The following BTBD1 variants were observed in gnomAD, a reference collection of about 807,000 sequenced individuals.
BTBD1 encodes the protein BTB/POZ domain-containing protein 1.
Under a neutral mutation model 48.0 loss-of-function variants are expected in BTBD1, and 34 were observed. The observed-to-expected ratio is 0.71, with a 90% CI of 0.54 to 0.94. The LOEUF is 0.94. BTBD1 is among the 40% of genes least tolerant of loss of function. BTBD1 has a pLI of 0.00. For missense variants in BTBD1, 543 were observed against 625.6 expected, an observed-to-expected ratio of 0.87 and a Z score of 1.41; for synonymous variants, 261 against 242.1, an observed-to-expected ratio of 1.08 and a Z score of -0.72.
chr15:83,022,437 T>G (rs1393500346), intron 5 of BTBD1: 1 of 152,094 alleles, frequency 6.6e-6, no homozygotes, highest in East Asian at 1.9e-4. Context: ...TTTGGGAGGC[T>G]GAGGTGGGTG....
intron 1 of BTBD1, among the ~76,000 whole-genome samples, chr15:83,059,382 C>T (rs1278074602): frequency 6.6e-6 from 1 of 151,882 alleles, no homozygotes; most frequent in East Asian, 1.9e-4. Flanking sequence ...CCCGACTCTA[C>T]TAAAAACACA....
intron 2 of BTBD1, among the ~76,000 whole-genome samples, chr15:83,055,424 A>AT (rs1191507761): frequency 6.6e-6 from 1 of 151,548 alleles, no homozygotes; most frequent in African/African-American, 2.4e-5. Flanking sequence ...TGCTCGGCTA[A>AT]TTTTTTTATT....
Position 83,020,699 on chromosome 15 carries a change from A to G in BTBD1, c.1119T>C (p.Pro373=), listed in dbSNP as rs1437376861. 2 of 1,601,930 alleles carry G rather than the reference A, an allele frequency of 1.2e-6. No homozygotes were observed. The highest frequency in any genetic ancestry group is 1.7e-6 in the Non-Finnish European group (2 of 1,169,676). The change falls in exon 6 of 8, where the codon CCT becomes CCC. Residue 373 remains proline, a synonymous_variant. Transcript: ENST00000261721. The part of the protein sequence containing the change: ...GFGLYGSIHG[P]TDYQVNIQII... ...CCTGTATATTCACTTGATAATCTGT[A>G]GGGCCATGAATAGATCCATACAAGC...
chr15:83,066,811 G>T lies in BTBD1; in HGVS notation c.341C>A (p.Thr114Asn). Reference sequence around the variant, plus strand: ...CGGCAGCTCGATCTCGGCCGACGTGGTGGCCATGCCGCCGTTGAACATGGC... The same window carrying T: ...CGGCAGCTCGATCTCGGCCGACGTGTTGGCCATGCCGCCGTTGAACATGGC... ...FDAMFNGGMATTSAEIELPDV... is the reference protein window; with the variant it reads ...FDAMFNGGMANTSAEIELPDV... Residue 114 changes from threonine to asparagine, a missense_variant, in exon 1 of 8, where the codon ACC (threonine) becomes AAC (asparagine). By Grantham distance (65) the Thr-to-Asn change is moderately conservative. Around this residue, in one of 3 missense-constraint regions of BTBD1, gnomAD observed 70 missense variants for 111.7 expected, o/e 0.63. Coordinates refer to ENST00000261721, the MANE Select transcript of BTBD1 (RefSeq NM_025238.4). 6.9e-7 allele frequency: 1 copy of T among 1,448,516 alleles called. No homozygotes were observed. 89.7% of individuals were successfully genotyped at this position (1,448,516 alleles called of 1,614,324 possible).
rs562480919 is a variant in BTBD1, at chr15:83,067,206, G to C, written c.-55C>G. ...GACAAAACTCCGCCGCCATCGCCCA[G>C]GCCGCCTCCGGAGGCCGGCGCTGCC... is the stretch of plus-strand genomic sequence containing the variant. On this transcript the variant is annotated 5_prime_UTR_variant, in exon 1 of 8. Coordinates refer to ENST00000261721, the MANE Select transcript of BTBD1 (RefSeq NM_025238.4). 1.2e-5 allele frequency: 16 copies of C among 1,338,784 alleles called. No individual in the cohort carries two copies. The highest frequency in any genetic ancestry group is 1.5e-5 in the African/African-American group (1 of 65,820). 82.9% of individuals were successfully genotyped at this position (1,338,784 alleles called of 1,614,324 possible).
intron 2 of BTBD1, among the ~76,000 whole-genome samples, chr15:83,054,246 G>A (rs1027473317): frequency 1.3e-5 from 2 of 152,146 alleles, no homozygotes; most frequent in African/African-American, 4.8e-5. Flanking sequence ...GCTGAGGCAG[G>A]AGAATCACTT....
chr15:83,041,351 G>A (rs929944048), intron 4 of BTBD1, among the ~76,000 whole-genome samples: 3 of 151,044 alleles, frequency 2.0e-5, no homozygotes, highest in Non-Finnish European at 4.4e-5. Flanking sequence ...CCTCTCTGGC[G>A]CAGGGAGACT....
At chr15:83,064,228 A>G (rs2151316191) in intron 1 of BTBD1, among the ~76,000 whole-genome samples, 1 of 152,338 alleles carries the variant, frequency 6.6e-6, no homozygotes. Context: ...TTTGTCACGT[A>G]TTAGCTAACA....
intron 4 of BTBD1, among the ~76,000 whole-genome samples, chr15:83,040,351 C>T (rs2032726478): frequency 6.6e-6 from 1 of 152,156 alleles, no homozygotes; most frequent in South Asian, 2.1e-4. Context: ...ACAATATACA[C>T]ATGAAACAAA....
At chr15:83,026,990 GTGTA>G (rs1457172066) in intron 5 of BTBD1, among the ~76,000 whole-genome samples, 3 of 149,362 alleles carry the variant, frequency 2.0e-5, no homozygotes, top group African/African-American at 7.4e-5. Context: ...GTGTGTGTGT[GTGTA>G]TGTATGTATG....
intron 5 of BTBD1, among the ~76,000 whole-genome samples, chr15:83,028,257 T>C (rs1431346607): frequency 6.6e-6 from 1 of 152,204 alleles, no homozygotes; most frequent in East Asian, 1.9e-4. Context: ...AAGAATTATA[T>C]CTGGAAGGAA....
chr15:83,030,218 G>C lies in BTBD1; in HGVS notation c.973C>G (p.Leu325Val), dbSNP rs1311550885. The C allele has an allele frequency of 6.2e-7, 1 of 1,613,954 alleles. No individual in the cohort carries two copies. The highest frequency in any genetic ancestry group is 1.7e-5 in the Admixed American group (1 of 59,992). ...VEYIDRPRCC[L>V]RGKECCINRF... ...TTGATGCAGCATTCCTTTCCCCTGA[G>C]ACAGCATCTTGGTCGGTCAATGTAT... Residue 325 changes from leucine to valine, a missense_variant, in exon 5 of 8, where the codon CTC (leucine) becomes GTC (valine). By Grantham distance (32) the Leu-to-Val change is conservative. Transcript: ENST00000261721.
At chr15:83,056,704 T>TATCCATCCATCC (rs55788185) in intron 1 of BTBD1, among the ~76,000 whole-genome samples, 159 bp from the exon 2 acceptor site, 8 of 112,358 alleles carry the variant, frequency 7.1e-5, no homozygotes, top group African/African-American at 1.0e-4. Context: ...TCCATTCATC[T>TATCCATCCATCC]ATCCATCCAT....
chr15:83,044,711 A>G, intron 3 of BTBD1: 3 of 1,466,886 alleles, frequency 2.0e-6, no homozygotes, highest in Admixed American at 3.4e-5. Flanking sequence ...ATGGGAAATT[A>G]GTGGTGTACT....
rs950595534 is a variant in BTBD1, at chr15:83,066,723, G to C, written c.401+28C>G. 3.1e-6 allele frequency: 4 copies of C among 1,276,296 alleles called. No individual in the cohort carries two copies. In the Admixed American group the frequency reaches 1.7e-4, roughly 55 times the overall value. The allele number at this position is 1,276,296 out of a possible 1,614,324, so 79.1% of individuals were successfully genotyped here. ...GCCCGGCCCGGCCCGGCCCGGCCCG[G>C]CCCGGCCCGGCCCGCGCTGCCGCTC... On this transcript the variant is annotated intron_variant, in intron 1 of 7. Transcript: ENST00000261721.
intron 4 of BTBD1, among the ~76,000 whole-genome samples, chr15:83,031,257 T>C (rs1182150882): frequency 6.6e-6 from 1 of 152,232 alleles, no homozygotes; most frequent in African/African-American, 2.4e-5. Context: ...GTGGTTTTGA[T>C]TTGCATTTTG....
chr15:83,060,492 T>A (rs2033159285), intron 1 of BTBD1, among the ~76,000 whole-genome samples: 1 of 151,628 alleles, frequency 6.6e-6, no homozygotes, highest in African/African-American at 2.4e-5. Flanking sequence ...AGGTTATATT[T>A]AATCTAACTA....
At chr15:83,044,889 G>A (rs757814768) in intron 3 of BTBD1, 26 of 651,614 alleles carry the variant, frequency 4.0e-5, no homozygotes, top group Non-Finnish European at 6.8e-5. Flanking sequence ...TATCACAAAC[G>A]TTTCACATGC....
chr15:83,057,118 A>T (rs1016707073), intron 1 of BTBD1, among the ~76,000 whole-genome samples: 4 of 152,194 alleles, frequency 2.6e-5, no homozygotes, highest in Admixed American at 2.0e-4. Context: ...CCGTATGACA[A>T]ATGCCAATTC....
Sources: allele counts gnomAD v4.1 joint callset (sites outside exome capture counted in the v4.1 genomes callset), GRCh38; gene constraint gnomAD v4.1.1; regional missense constraint gnomAD v4.1.1; transcripts MANE v1.5; gene names NCBI Gene and HGNC (gene_info 2026-07-23, HGNC 2026-07-21).